Variants in TNFRSF21 observed in about 807,000 individuals in gnomAD.
TNFRSF21 encodes TNF receptor superfamily member 21.
In TNFRSF21, 19 loss-of-function variants were observed where a neutral mutation model predicts 45.6. The ratio of observed to expected loss-of-function variants is 0.42; its 90% CI spans 0.29 to 0.61. The LOEUF (loss-of-function observed/expected upper bound fraction) is 0.61. Among genes scored for constraint, TNFRSF21 ranks in the 20% least tolerant of loss-of-function variants. TNFRSF21 has a pLI of 0.23. For synonymous variants in TNFRSF21, 314 were observed against 335.5 expected (o/e 0.94, Z 0.70); for missense variants, 737 against 851.5 (o/e 0.87, Z 1.67).
intron 1 of TNFRSF21, among the ~76,000 whole-genome samples, chr6:47,291,395 G>A (rs1332883898): frequency 3.9e-5 from 6 of 152,056 alleles, no homozygotes; most frequent in Non-Finnish European, 8.8e-5. Flanking sequence ...GTATGCGGGA[G>A]AGTAGACAAG....
rs375767876 is a variant in TNFRSF21 at position 47,275,832 on chromosome 6, C to A, written c.1243+8106G>T. On this transcript the variant is annotated intron_variant, in intron 3 of 5. Coordinates refer to ENST00000296861, the MANE Select transcript of TNFRSF21 (RefSeq NM_014452.5). ...TTTCATGTTGCAGTGAGCACACAAT[C>A]CTTCAGTGGCATGAGGTTGGCATTG... Among the ~76,000 whole-genome samples, 31 of 152,240 alleles carry A rather than the reference C, an allele frequency of 2.0e-4. No individual in the cohort carries two copies. In the South Asian group the frequency reaches 6.2e-3, roughly 31 times the overall value.
intron 1 of TNFRSF21, among the ~76,000 whole-genome samples, chr6:47,287,842 T>C (rs1041210157): frequency 6.6e-6 from 1 of 152,218 alleles, no homozygotes; most frequent in African/African-American, 2.4e-5. Flanking sequence ...TAAAACCATA[T>C]TGAAATAGTA....
Position 47,309,739 on chromosome 6 carries a change from C to T in TNFRSF21, c.-228G>A, listed in dbSNP as rs1309907019. ...CGCGGCCGCCCAGGCGGGGAGAAGC[C>T]GCCGCGACTGCAGCCCGCGTCTCCG... On this transcript the variant is annotated 5_prime_UTR_variant, in exon 1 of 6. Transcript: ENST00000296861. 8 of 474,874 alleles carry T rather than the reference C, an allele frequency of 1.7e-5. No homozygotes were observed. The highest frequency in any genetic ancestry group is 2.4e-5 in the Non-Finnish European group (7 of 293,472). 29.4% of individuals were successfully genotyped at this position (474,874 alleles called of 1,614,324 possible).
At chr6:47,252,871 A>G (rs1484254135) in intron 4 of TNFRSF21, among the ~76,000 whole-genome samples, 1 of 152,102 alleles carries the variant, frequency 6.6e-6, no homozygotes, top group Non-Finnish European at 1.5e-5. Flanking sequence ...TCTGGAGGAG[A>G]GGCGGTGTAG....
intron 4 of TNFRSF21, among the ~76,000 whole-genome samples, chr6:47,237,309 G>T (rs1764675942): frequency 6.6e-6 from 1 of 152,080 alleles, no homozygotes. Context: ...AATGCTCATA[G>T]AAATTTCTTT....
intron 4 of TNFRSF21, 49 bp from the exon 5 acceptor site, chr6:47,234,947 A>T (rs1453055890): frequency 9.1e-7 from 1 of 1,096,168 alleles, no homozygotes; most frequent in Admixed American, 4.1e-5. Flanking sequence ...AAAAAACAGT[A>T]AAATTAAAAT....
At chr6:47,306,999 A>G (rs1345157528) in intron 1 of TNFRSF21, among the ~76,000 whole-genome samples, 1 of 152,194 alleles carries the variant, frequency 6.6e-6, no homozygotes, top group African/African-American at 2.4e-5. Flanking sequence ...TTGGAACAGT[A>G]TCATGAGATC....
At chr6:47,238,880 G>A (rs776922142) in intron 4 of TNFRSF21, among the ~76,000 whole-genome samples, 3 of 152,198 alleles carry the variant, frequency 2.0e-5, no homozygotes, top group Non-Finnish European at 4.4e-5. Context: ...AACCATGACT[G>A]TCATCATTGC....
chr6:47,306,928 C>A (rs778804652), intron 1 of TNFRSF21, among the ~76,000 whole-genome samples: 3 of 152,212 alleles, frequency 2.0e-5, no homozygotes, highest in Non-Finnish European at 4.4e-5. Context: ...TGTACCCAGG[C>A]TCCAGTACCT....
intron 4 of TNFRSF21, among the ~76,000 whole-genome samples, chr6:47,252,335 T>C (rs889811546): frequency 3.0e-4 from 45 of 152,200 alleles, no homozygotes; most frequent in African/African-American, 1.1e-3. Context: ...CTAGTCTTAG[T>C]GGCAGCATTT....
At position 47,286,401 on chromosome 6, in the gene TNFRSF21, G is replaced by A; in HGVS notation, c.291C>T (p.Thr97=). Residue 97 remains threonine (T), a synonymous_variant, in exon 2 of 6, where the codon ACC becomes ACT. Coordinates refer to ENST00000296861, the MANE Select transcript of TNFRSF21 (RefSeq NM_014452.5). The part of the protein sequence containing the change: ...VCSSCPVGTF[T]RHENGIEKCH... Reference sequence around the variant, plus strand: ...ATTTCTCTATGCCATTCTCATGCCTGGTAAAGGTCCCCACAGGGCAACTGC... The same window carrying A: ...ATTTCTCTATGCCATTCTCATGCCTAGTAAAGGTCCCCACAGGGCAACTGC... 6.2e-7 allele frequency: 1 copy of A among 1,614,218 alleles called. No homozygotes were observed. Among genetic ancestry groups the A allele is most frequent in the South Asian group, 1.1e-5 (1 of 91,082 alleles).
intron 3 of TNFRSF21, among the ~76,000 whole-genome samples, chr6:47,257,690 C>T (rs903318193): frequency 6.6e-6 from 1 of 152,170 alleles, no homozygotes; most frequent in African/African-American, 2.4e-5. Context: ...GTTCTGTTTC[C>T]TAGGCTGGAC....
chr6:47,253,647 G>C, intron 3 of TNFRSF21, 126 bp from the exon 4 acceptor site: 1 of 1,139,392 alleles, frequency 8.8e-7, no homozygotes. Flanking sequence ...TCAAAGGAAT[G>C]CATTGCCTCC....
At chr6:47,307,954 T>C (rs778011501) in intron 1 of TNFRSF21, among the ~76,000 whole-genome samples, 2 of 152,226 alleles carry the variant, frequency 1.3e-5, no homozygotes, top group Admixed American at 1.3e-4. Context: ...CTAGGATCAG[T>C]GTTCCCATGG....
chr6:47,285,460 A>T (rs1047625875), intron 2 of TNFRSF21, among the ~76,000 whole-genome samples: 7 of 152,096 alleles, frequency 4.6e-5, no homozygotes, highest in African/African-American at 1.7e-4. Context: ...TCTTTGCCCC[A>T]CCTGGATTCA....
At chr6:47,282,661 A>T (rs1399336054) in intron 3 of TNFRSF21, among the ~76,000 whole-genome samples, 3 of 152,186 alleles carry the variant, frequency 2.0e-5, no homozygotes, top group Non-Finnish European at 4.4e-5. Context: ...GGGAAAAAAA[A>T]TTGTCACTTT....
At chr6:47,259,374 CT>C (rs67674852) in intron 3 of TNFRSF21, among the ~76,000 whole-genome samples, 43,520 of 147,066 alleles carry the variant, frequency 0.3, 6,993 homozygotes, top group East Asian at 0.54. Context: ...ATCACATTGC[CT>C]TTTTTTTTTT....
At chr6:47,309,346 GC>G in intron 1 of TNFRSF21, 69 bp downstream of exon 1, 1 of 1,479,302 alleles carries the variant, frequency 6.8e-7, no homozygotes, top group African/African-American at 1.5e-5. Context: ...CCGGTGACCC[GC>G]CCGGCTCCCG....
chr6:47,238,395 G>C (rs556497370), intron 4 of TNFRSF21, among the ~76,000 whole-genome samples: 5 of 152,370 alleles, frequency 3.3e-5, no homozygotes, highest in African/African-American at 1.2e-4. Context: ...GAAAACTACA[G>C]TTCTTTTTGC....
Sources: allele counts gnomAD v4.1 joint callset (sites outside exome capture counted in the v4.1 genomes callset), GRCh38; gene constraint gnomAD v4.1.1; transcripts MANE v1.5; gene names NCBI Gene and HGNC (gene_info 2026-07-23, HGNC 2026-07-21).